PDGFA: variants seen among roughly 807,000 people sequenced by gnomAD.
The protein encoded by PDGFA is platelet derived growth factor subunit A.
In PDGFA, 9 loss-of-function variants were observed where a neutral mutation model predicts 25.6. That is an observed-to-expected ratio of 0.35 (90% CI 0.21 to 0.61). The LOEUF (loss-of-function observed/expected upper bound fraction) is 0.61. Among genes scored for constraint, PDGFA ranks in the 20% least tolerant of loss-of-function variants. PDGFA has a pLI of 0.75. For missense variants in PDGFA, 242 were observed against 272.8 expected (o/e 0.89, Z 0.79); for synonymous variants, 133 against 111.8 (o/e 1.19, Z -1.20).
chr7:512,590 C>T (rs770101995), intron 2 of PDGFA, 135 bp from the exon 3 acceptor site: 14 of 1,545,468 alleles, frequency 9.1e-6, no homozygotes, highest in Non-Finnish European at 1.2e-5. Context: ...CCCCTCACAG[C>T]TCCCGCCATT....
intron 2 of PDGFA, among the ~76,000 whole-genome samples, chr7:513,840 C>T (rs1782973297): frequency 6.6e-6 from 1 of 152,242 alleles, no homozygotes; most frequent in Non-Finnish European, 1.5e-5. Context: ...AAAGACGAAG[C>T]TCGCCCGGAG....
At chr7:514,015 C>T (rs532881546) in intron 2 of PDGFA, among the ~76,000 whole-genome samples, 2 of 152,360 alleles carry the variant, frequency 1.3e-5, no homozygotes, top group East Asian at 3.9e-4. Context: ...TGAATCACAT[C>T]CTGGTGGTGG....
chr7:501,361 T>C (rs1009577883), intron 4 of PDGFA, 119 bp from the exon 5 acceptor site: 6 of 1,226,952 alleles, frequency 4.9e-6, no homozygotes, highest in South Asian at 1.3e-5. Context: ...CCTGACCTCC[T>C]CCCAGAAACA....
intron 4 of PDGFA, among the ~76,000 whole-genome samples, chr7:504,607 C>T (rs1250782178): frequency 6.6e-6 from 1 of 152,248 alleles, no homozygotes; most frequent in Non-Finnish European, 1.5e-5. Context: ...TGCTCCCACC[C>T]ACCCCCAGCC....
intron 2 of PDGFA, chr7:512,890 G>A: frequency 3.7e-6 from 1 of 267,838 alleles, no homozygotes; most frequent in South Asian, 4.3e-5. Flanking sequence ...ACCTCTGTCT[G>A]GGGGCTGGAG....
intron 2 of PDGFA, among the ~76,000 whole-genome samples, chr7:514,463 G>A (rs1318803886): frequency 6.6e-6 from 1 of 152,098 alleles, no homozygotes; most frequent in African/African-American, 2.4e-5. Flanking sequence ...GCCGAGAGTG[G>A]ACCACGCTCA....
rs188619181 is a variant in PDGFA at position 503,970 on chromosome 7, G to A, written c.454-2728C>T. Among the ~76,000 whole-genome samples the A allele has an allele frequency of 3.4e-3, 520 of 152,236 alleles. 2 individuals carry two copies. Among genetic ancestry groups the A allele is most frequent in the African/African-American group, 0.011 (473 of 41,538 alleles). On this transcript the variant is annotated intron_variant, in intron 4 of 5. Coordinates refer to ENST00000402802, the Ensembl canonical transcript of PDGFA. ...CTCAGATCAGCCTCCACACTCCCGC[G>A]GCAATCTGCCCCTTTCCCCAGGACA...
chr7:510,162 G>A (rs570125806), intron 4 of PDGFA, among the ~76,000 whole-genome samples: 8 of 152,270 alleles, frequency 5.3e-5, no homozygotes, highest in South Asian at 2.1e-4. Context: ...GGCCCAAAAC[G>A]GCCCCCGCAC....
chr7:519,050 G>A lies in PDGFA; in HGVS notation c.-49C>T, dbSNP rs569680782. The A allele has an allele frequency of 2.5e-4, 361 of 1,435,306 alleles. 2 individuals carry two copies. In the East Asian group the frequency reaches 8.2e-3, roughly 33 times the overall value. 88.9% of individuals were successfully genotyped at this position (1,435,306 alleles called of 1,614,324 possible). A position where few individuals can be genotyped will look rare whatever the true frequency, so the allele number is the denominator to read the frequency against. On this transcript the variant is annotated 5_prime_UTR_variant, in exon 1 of 6. Coordinates refer to ENST00000402802, the Ensembl canonical transcript of PDGFA. ...CGGAGGAGAGGCGAGGCCGCGGGGC[G>A]GGCGCTCCAGCCGGTCTCCTGTGGC... is the stretch of plus-strand genomic sequence containing the variant.
intron 2 of PDGFA, among the ~76,000 whole-genome samples, chr7:516,778 G>T (rs545106293): frequency 3.3e-5 from 5 of 152,332 alleles, no homozygotes; most frequent in African/African-American, 9.6e-5. Context: ...CGGCCCCAGG[G>T]CCCGAGGGTG....
intron 4 of PDGFA, 43 bp from the exon 5 acceptor site, chr7:501,285 G>A (rs1782326172): frequency 1.2e-6 from 2 of 1,610,896 alleles, no homozygotes; most frequent in Admixed American, 1.7e-5. Flanking sequence ...CCTGCATGGA[G>A]CTTCGGACAT....
intron 3 of PDGFA, among the ~76,000 whole-genome samples, 170 bp from the exon 4 acceptor site, chr7:511,166 G>A (rs1477022879): frequency 2.0e-5 from 3 of 151,558 alleles, no homozygotes; most frequent in African/African-American, 4.8e-5. Context: ...GGGGCTGGGT[G>A]GGCAGGAGCA....
chr7:507,060 C>T (rs1472960059), intron 4 of PDGFA, among the ~76,000 whole-genome samples: 1 of 152,210 alleles, frequency 6.6e-6, no homozygotes, highest in Non-Finnish European at 1.5e-5. Context: ...ATCTCCTCGC[C>T]AGGTTGACAG....
At chr7:508,813 G>C (rs1782679393) in intron 4 of PDGFA, among the ~76,000 whole-genome samples, 1 of 151,786 alleles carries the variant, frequency 6.6e-6, no homozygotes, top group Non-Finnish European at 1.5e-5. Context: ...CCCCAGCCAG[G>C]CCTCACAGAA....
At chr7:502,823 A>G (rs763860755) in intron 4 of PDGFA, among the ~76,000 whole-genome samples, 6 of 148,528 alleles carry the variant, frequency 4.0e-5, no homozygotes, top group Non-Finnish European at 9.1e-5. Flanking sequence ...ATGCACATAT[A>G]GGCCCTGTCA....
intron 4 of PDGFA, among the ~76,000 whole-genome samples, chr7:509,953 C>G (rs796120225): frequency 2.2e-4 from 34 of 152,214 alleles, no homozygotes; most frequent in African/African-American, 6.7e-4. Context: ...ACTCCTTCTC[C>G]TTCTCCTGGG....
At chr7:519,759 C>T (rs1234841182), upstream of PDGFA, among the ~76,000 whole-genome samples, 1 of 147,294 alleles carries the variant, frequency 6.8e-6, no homozygotes, top group African/African-American at 2.5e-5. Flanking sequence ...TCGGCGCCTC[C>T]GCCGCAGCCG....
chr7:497,873 A>T (rs1395850088), exon 6 of PDGFA: 3 of 71,966 alleles, frequency 4.2e-5, no homozygotes, highest in Non-Finnish European at 1.1e-4. Flanking sequence ...GATAATTAAA[A>T]AAAAAAAAAA....
intron 4 of PDGFA, among the ~76,000 whole-genome samples, chr7:503,362 G>A (rs546459475): frequency 3.3e-5 from 5 of 152,232 alleles, no homozygotes; most frequent in East Asian, 1.9e-4. Context: ...CACCCCTCAC[G>A]GTTCATGGGG....
Sources: gnomAD v4.1 joint callset for allele counts (sites outside exome capture counted in the v4.1 genomes callset) on GRCh38, gnomAD v4.1.1 for gene constraint, MANE v1.5 for transcripts, NCBI Gene and HGNC (gene_info 2026-07-23, HGNC 2026-07-21) for gene names.